EPHA6: variants seen among roughly 807,000 people sequenced by gnomAD.
EPHA6 encodes EPH receptor A6.
In EPHA6, 50 loss-of-function variants were observed where a neutral mutation model predicts 112.0. That is an observed-to-expected ratio of 0.45 (90% CI 0.36 to 0.56). EPHA6 has a LOEUF of 0.56. EPHA6 is among the 20% of genes least tolerant of loss of function. EPHA6 has a pLI of 0.00. For missense variants in EPHA6, 1,280 were observed against 1,417.4 expected (o/e 0.90, Z 1.56); for synonymous variants, 529 against 490.7 (o/e 1.08, Z -1.03).
chr3:97,019,056 G>C (rs772031250), intron 3 of EPHA6, among the ~76,000 whole-genome samples: 13 of 152,154 alleles, frequency 8.5e-5, no homozygotes, highest in Non-Finnish European at 1.3e-4. Flanking sequence ...TATGATTATA[G>C]AGGGAGGATT....
chr3:97,173,935 A>T, intron 3 of EPHA6, among the ~76,000 whole-genome samples: 1 of 151,770 alleles, frequency 6.6e-6, no homozygotes, highest in Admixed American at 6.6e-5. Flanking sequence ...GTTGTTATTA[A>T]CTACAGTCAC....
intron 3 of EPHA6, among the ~76,000 whole-genome samples, chr3:97,222,946 C>T (rs1009765411): frequency 7.2e-5 from 11 of 152,066 alleles, no homozygotes; most frequent in Non-Finnish European, 1.3e-4. Context: ...TAAAGAAGTG[C>T]GAGCTGAAAG....
intron 10 of EPHA6, among the ~76,000 whole-genome samples, chr3:97,522,157 C>T (rs2092554065): frequency 6.6e-6 from 1 of 152,114 alleles, no homozygotes. Flanking sequence ...AGTGATCCTC[C>T]CACCTCAGCC....
intron 2 of EPHA6, among the ~76,000 whole-genome samples, chr3:96,897,198 CTG>C (rs1397364637): frequency 9.7e-5 from 14 of 144,532 alleles, no homozygotes; most frequent in Non-Finnish European, 2.1e-4. Context: ...ATCTATATAT[CTG>C]TGTATATACA....
intron 10 of EPHA6, among the ~76,000 whole-genome samples, chr3:97,513,364 A>T (rs182413386): frequency 1.3e-5 from 2 of 152,344 alleles, no homozygotes; most frequent in East Asian, 1.9e-4. Flanking sequence ...TTATTACAGC[A>T]CCATTCACAA....
rs143403025 is a variant in EPHA6, at chr3:96,818,265, T to C, written c.385+3257T>C. Among the ~76,000 whole-genome samples, 10 of 152,116 alleles carry C rather than the reference T, an allele frequency of 6.6e-5. No individual in the cohort carries two copies. The East Asian group carries it at 1.7e-3, about 26-fold the overall frequency. ...CCAGTAGACACCAGGGATCCATTCA[T>C]TCAAAGATTATTCTGCAGCAAATAC... On this transcript the variant is annotated intron_variant, in intron 1 of 17. Transcript: ENST00000389672.
At chr3:96,937,595 A>T (rs2040667426) in intron 2 of EPHA6, among the ~76,000 whole-genome samples, 1 of 152,098 alleles carries the variant, frequency 6.6e-6, no homozygotes, top group Non-Finnish European at 1.5e-5. Flanking sequence ...TGCTGTGCAG[A>T]AGCTCTTTAG....
rs535039249 is a variant in EPHA6 at position 97,557,932 on chromosome 3, A to G, written c.2386+25389A>G. On this transcript the variant is annotated intron_variant, in intron 11 of 17. Transcript: ENST00000389672. ...TTCATGACTCATCTATTCTTTAGCT[A>G]TATTTGCTTTCAAGGAGCCACCTGC... is the stretch of plus-strand genomic sequence containing the variant. 5.9e-5 allele frequency among the ~76,000 whole-genome samples: 9 copies of G among 152,036 alleles called. No homozygotes were observed. The South Asian group carries it at 1.9e-3, about 31-fold the overall frequency.
At chr3:97,535,882 C>T (rs941619283) in intron 11 of EPHA6, among the ~76,000 whole-genome samples, 1 of 152,018 alleles carries the variant, frequency 6.6e-6, no homozygotes, top group South Asian at 2.1e-4. Flanking sequence ...CTCTGAAAGA[C>T]AAGTGTTATA....
At chr3:97,194,897 A>T (rs150934506) in intron 3 of EPHA6, among the ~76,000 whole-genome samples, 115 of 152,152 alleles carry the variant, frequency 7.6e-4, no homozygotes, top group African/African-American at 2.6e-3. Context: ...TTTGGTTTCC[A>T]TTGGCATGGA....
intron 5 of EPHA6, among the ~76,000 whole-genome samples, chr3:97,256,430 A>G (rs2079316212): frequency 6.6e-6 from 1 of 151,940 alleles, no homozygotes; most frequent in Admixed American, 6.6e-5. Flanking sequence ...GAAAAGTATA[A>G]TTTTAAGGTC....
intron 3 of EPHA6, among the ~76,000 whole-genome samples, chr3:97,205,786 G>C (rs1437163080): frequency 6.6e-6 from 1 of 152,064 alleles, no homozygotes; most frequent in East Asian, 1.9e-4. Context: ...TTTGTGGGCT[G>C]ATTGACCTTA....
chr3:97,565,210 A>C (rs2093246335), intron 11 of EPHA6, among the ~76,000 whole-genome samples: 1 of 150,600 alleles, frequency 6.6e-6, no homozygotes, highest in African/African-American at 2.5e-5. Flanking sequence ...CATTAACCAG[A>C]TGTCATGATT....
chr3:96,833,494 C>T (rs1370613209), intron 1 of EPHA6, among the ~76,000 whole-genome samples: 1 of 151,906 alleles, frequency 6.6e-6, no homozygotes, highest in Non-Finnish European at 1.5e-5. Context: ...CATAGCAGCT[C>T]TAGCAAACTA....
At chr3:97,419,041 AC>A (rs2088374366) in intron 6 of EPHA6, among the ~76,000 whole-genome samples, 1 of 152,194 alleles carries the variant, frequency 6.6e-6, no homozygotes, top group Admixed American at 6.5e-5. Flanking sequence ...ACTGTGGCTC[AC>A]GCCTGTAATC....
intron 1 of EPHA6, among the ~76,000 whole-genome samples, chr3:96,856,986 G>T (rs185955592): frequency 8.5e-5 from 13 of 152,102 alleles, no homozygotes; most frequent in Non-Finnish European, 1.8e-4. Flanking sequence ...CAAAAGCTAA[G>T]GATTGAATTT....
intron 3 of EPHA6, among the ~76,000 whole-genome samples, chr3:97,144,422 A>G (rs1278513490): frequency 4.6e-5 from 7 of 150,604 alleles, no homozygotes; most frequent in African/African-American, 1.7e-4. Flanking sequence ...ATTTTTTACC[A>G]TATTCCTCAG....
At chr3:97,341,772 G>A (rs1232513734) in intron 5 of EPHA6, among the ~76,000 whole-genome samples, 1 of 152,096 alleles carries the variant, frequency 6.6e-6, no homozygotes, top group African/African-American at 2.4e-5. Context: ...GTAGTTAAGG[G>A]AGGTATATTC....
At chr3:96,936,862 T>C (rs889529230) in intron 2 of EPHA6, among the ~76,000 whole-genome samples, 3 of 152,168 alleles carry the variant, frequency 2.0e-5, no homozygotes, top group African/African-American at 7.2e-5. Flanking sequence ...ATGTGGTGTT[T>C]GGTATTTTGT....
Sources: gnomAD v4.1 joint callset for allele counts (sites outside exome capture counted in the v4.1 genomes callset) on GRCh38, gnomAD v4.1.1 for gene constraint, MANE v1.5 for transcripts, NCBI Gene and HGNC (gene_info 2026-07-23, HGNC 2026-07-21) for gene names.